ALDOC: variants seen among roughly 807,000 people sequenced by gnomAD.
ALDOC encodes aldolase, fructose-bisphosphate C.
ALDOC carries 23 observed loss-of-function variants against 39.5 expected under a neutral mutation model. That is an observed-to-expected ratio of 0.58 (90% CI 0.42 to 0.82). The LOEUF is 0.82. Among genes scored for constraint, ALDOC ranks in the 40% least tolerant of loss-of-function variants. ALDOC has a pLI of 0.00. For missense variants in ALDOC, 356 were observed against 479.1 expected (o/e 0.74, Z 2.40); for synonymous variants, 160 against 182.6 (o/e 0.88, Z 1.00).
chr17:28,575,459 G>A lies in ALDOC; in HGVS notation c.74C>T (p.Ala25Val). 1 of 1,614,206 alleles carries A rather than the reference G, an allele frequency of 6.2e-7. No homozygotes were observed. The highest frequency in any genetic ancestry group is 1.1e-5 in the South Asian group (1 of 91,090). The change falls in exon 2 of 9, where the codon GCC becomes GTC. Residue 25 changes from alanine (A) to valine (V), a missense_variant. Physicochemically the swap from Ala to Val is moderately conservative, Grantham distance 64. Transcript: ENST00000226253. This position sits in a 1 kb window ranked among gnomAD's most constrained non-coding sequence, Gnocchi z 4.3. The part of the protein sequence containing the change: ...ELSDIALRIV[A>V]PGKGILAADE... The stretch of plus-strand genomic sequence containing the variant: ...CGCAGCCAGAATGCCTTTGCCCGGG[G>A]CTACAATCCGCAGGGCAATGTCAGA...
Position 28,575,382 on chromosome 17 carries a change from A to T in ALDOC, c.112+39T>A. 1 of 1,614,190 alleles carries T rather than the reference A, an allele frequency of 6.2e-7. No homozygotes were observed. The highest frequency in any genetic ancestry group is 8.5e-7 in the Non-Finnish European group (1 of 1,180,006). On this transcript the variant is annotated intron_variant, in intron 2 of 8. Coordinates refer to ENST00000226253, the MANE Select transcript of ALDOC (RefSeq NM_005165.3). The surrounding 1 kb of genome is among the most constrained non-coding windows in gnomAD (Gnocchi z 4.3). ...AGTGAGAACATCCCCAGGGTCCCCT[A>T]GCCACCTGTACCCTACCTGGCTACA...
rs1044493464 is a variant in ALDOC, at chr17:28,574,356, G to A, written c.625-115C>T. On this transcript the variant is annotated intron_variant, in intron 6 of 8. Coordinates refer to ENST00000226253, the MANE Select transcript of ALDOC (RefSeq NM_005165.3). The stretch of plus-strand genomic sequence containing the variant: ...ACTGTGAGGGCTCAGTACAGGCTCA[G>A]ATCACAGGCCTGTGCCGGGATGAAG... The A allele has an allele frequency of 1.4e-5, 20 of 1,425,434 alleles. 1 individual carries two copies. Among genetic ancestry groups the A allele is most frequent in the Admixed American group, 3.4e-5 (2 of 58,436 alleles). 88.3% of individuals were successfully genotyped at this position (1,425,434 alleles called of 1,614,324 possible).
At position 28,575,681 on chromosome 17, in the gene ALDOC, G is replaced by A. The variant is rs1308430870; in HGVS notation, c.-12-137C>T. 3 of 1,075,932 alleles carry A rather than the reference G, an allele frequency of 2.8e-6. No individual in the cohort carries two copies. Among genetic ancestry groups the A allele is most frequent in the African/African-American group, 1.6e-5 (1 of 62,704 alleles). The allele number at this position is 1,075,932 out of a possible 1,614,324, so 66.6% of individuals were successfully genotyped here. On this transcript the variant is annotated intron_variant, in intron 1 of 8. Coordinates refer to ENST00000226253, the MANE Select transcript of ALDOC (RefSeq NM_005165.3). This position sits in a 1 kb window ranked among gnomAD's most constrained non-coding sequence, Gnocchi z 4.3. ...CCTTGGCATGAGTCCTGGGCATCAA[G>A]TGGCACCAGTCCTTCTGACAGCTAG... is the stretch of plus-strand genomic sequence containing the variant.
chr17:28,575,529 G>A lies in ALDOC; in HGVS notation c.4C>T (p.Pro2Ser). MPHSYPALSAEQ... is the reference protein window; with the variant it reads MSHSYPALSAEQ... Reference sequence around the variant, plus strand: ...GCAGAAAGGGCTGGGTACGAGTGAGGCATGGTGACAGCTCCCTGGAGTGGA... The same window carrying A: ...GCAGAAAGGGCTGGGTACGAGTGAGACATGGTGACAGCTCCCTGGAGTGGA... The change falls in exon 2 of 9, where the codon CCT becomes TCT. Residue 2 changes from proline (P) to serine (S), a missense_variant. Pro to Ser is a moderately conservative substitution (Grantham distance 74, BLOSUM62 -1). Transcript: ENST00000226253. The surrounding 1 kb of genome is among the most constrained non-coding windows in gnomAD (Gnocchi z 4.3). 3 of 1,614,072 alleles carry A rather than the reference G, an allele frequency of 1.9e-6. No individual in the cohort carries two copies. The highest frequency in any genetic ancestry group is 1.1e-5 in the South Asian group (1 of 91,080).
chr17:28,575,776 G>T lies in ALDOC; in HGVS notation c.-12-232C>A. 1.6e-6 allele frequency: 1 copy of T among 643,606 alleles called. No homozygotes were observed. The highest frequency in any genetic ancestry group is 2.5e-6 in the Non-Finnish European group (1 of 400,720). The allele number at this position is 643,606 out of a possible 1,614,324, so 39.9% of individuals were successfully genotyped here. The stretch of plus-strand genomic sequence containing the variant: ...GGCATCCTTCCCAGCCCTGGGGAAA[G>T]ATGCAGGGTGGGGGTGGGGAGGTGA... On this transcript the variant is annotated intron_variant, in intron 1 of 8. Transcript: ENST00000226253. This position sits in a 1 kb window ranked among gnomAD's most constrained non-coding sequence, Gnocchi z 4.3.
Position 28,575,938 on chromosome 17 carries a change from C to A in ALDOC, c.-12-394G>T. On this transcript the variant is annotated intron_variant, in intron 1 of 8. Coordinates refer to ENST00000226253, the MANE Select transcript of ALDOC (RefSeq NM_005165.3). This position sits in a 1 kb window ranked among gnomAD's most constrained non-coding sequence, Gnocchi z 4.3. ...CCAGCTTCCCTTTTCTCATCCTCCACAGGACCCCTAGGGAAAGTGTACTTA... is the reference window on the plus strand; with the variant it reads ...CCAGCTTCCCTTTTCTCATCCTCCAAAGGACCCCTAGGGAAAGTGTACTTA... 9.6e-7 allele frequency: 1 copy of A among 1,044,882 alleles called. No individual in the cohort carries two copies. The highest frequency in any genetic ancestry group is 1.2e-6 in the Non-Finnish European group (1 of 862,968). 64.7% of individuals were successfully genotyped at this position (1,044,882 alleles called of 1,614,324 possible). A position where few individuals can be genotyped will look rare whatever the true frequency, so the allele number is the denominator to read the frequency against.
chr17:28,576,130 TA>T (rs2070487064), intron 1 of ALDOC: 2 of 394,158 alleles, frequency 5.1e-6, no homozygotes, highest in African/African-American at 4.4e-5. Context: ...TGCCTATGCC[TA>T]TTGCCTATTC....
intron 1 of ALDOC, chr17:28,576,107 C>T: frequency 1.6e-6 from 1 of 632,874 alleles, no homozygotes; most frequent in Non-Finnish European, 2.0e-6. Context: ...CTTTTCTGTA[C>T]TCCAAACCTG....
At chr17:28,576,076 C>A in intron 1 of ALDOC, 2 of 854,464 alleles carry the variant, frequency 2.3e-6, no homozygotes, top group Non-Finnish European at 2.8e-6. Context: ...AAATACCAGT[C>A]ACAGGCTCCT....
rs1431605950 is a variant in ALDOC, at chr17:28,575,331, C to A, written c.116G>T (p.Ser39Ile). The A allele has an allele frequency of 3.7e-6, 6 of 1,614,232 alleles. No individual in the cohort carries two copies. Among genetic ancestry groups the A allele is most frequent in the Non-Finnish European group, 5.1e-6 (6 of 1,180,038 alleles). Residue 39 changes from serine to isoleucine, a missense_variant, in exon 3 of 9, where the codon AGC becomes ATC. Transcript: ENST00000226253. This position sits in a 1 kb window ranked among gnomAD's most constrained non-coding sequence, Gnocchi z 4.3. ...GILAADESVG[S>I]MAKRLSQIGV... is the part of the protein sequence containing the mutation. Reference sequence around the variant, plus strand: ...AATTTGGCTCAGCCGCTTGGCCATGCTGCCTAGGGGCAAACAAAGAGAGGC... The same window carrying A: ...AATTTGGCTCAGCCGCTTGGCCATGATGCCTAGGGGCAAACAAAGAGAGGC...
In ALDOC at chr17:28,573,503, G is replaced by A. The variant is rs2151516097; in HGVS notation, c.*23C>T. On this transcript the variant is annotated 3_prime_UTR_variant, in exon 9 of 9. Transcript: ENST00000226253. This position sits in a 1 kb window ranked among gnomAD's most constrained non-coding sequence, Gnocchi z 4.3. ...AAGTGGGTGCAGATGGCTGGGCCAA[G>A]GGCTGTGGTATGGAGTGGATACTCA... The A allele has an allele frequency of 1.2e-6, 2 of 1,611,410 alleles. No individual in the cohort carries two copies. Among genetic ancestry groups the A allele is most frequent in the Non-Finnish European group, 1.7e-6 (2 of 1,177,582 alleles).
chr17:28,575,267 G>A lies in ALDOC; in HGVS notation c.180C>T (p.Arg60=), dbSNP rs2070474136. 6.2e-7 allele frequency: 1 copy of A among 1,614,188 alleles called. No individual in the cohort carries two copies. Among genetic ancestry groups the A allele is most frequent in the African/African-American group, 1.3e-5 (1 of 75,038 alleles). ...GGTCATCAGCACTGAACAGGACCTG[G>A]CGGTACAGCCGGCGGTTCTCCTCTG... is the stretch of plus-strand genomic sequence containing the variant. ...ENTEENRRLY[R]QVLFSADDRV... Residue 60 remains arginine (R), a synonymous_variant, in exon 3 of 9, where the codon CGC becomes CGT. Transcript: ENST00000226253. This position sits in a 1 kb window ranked among gnomAD's most constrained non-coding sequence, Gnocchi z 4.3.
At position 28,575,638 on chromosome 17, in the gene ALDOC, TG is replaced by T; in HGVS notation, c.-12-95del. 6.8e-7 allele frequency: 1 copy of T among 1,463,092 alleles called. No homozygotes were observed. Among genetic ancestry groups the T allele is most frequent in the Non-Finnish European group, 9.1e-7 (1 of 1,094,136 alleles). 90.6% of individuals were successfully genotyped at this position (1,463,092 alleles called of 1,614,324 possible). ...ATGGCCTCCCCATCAAGCAAGGGGC[TG>T]GGAACAGGGCAGCAGTCCTTGGCAT... On this transcript the variant is annotated intron_variant, in intron 1 of 8. Coordinates refer to ENST00000226253, the MANE Select transcript of ALDOC (RefSeq NM_005165.3). The surrounding 1 kb of genome is among the most constrained non-coding windows in gnomAD (Gnocchi z 4.3).
Position 28,573,376 on chromosome 17 carries a change from A to G in ALDOC, c.*150T>C. The G allele has an allele frequency of 1.4e-6, 1 of 720,776 alleles. No individual in the cohort carries two copies. The highest frequency in any genetic ancestry group is 1.6e-5 in the South Asian group (1 of 62,128). The allele number at this position is 720,776 out of a possible 1,614,324, so 44.6% of individuals were successfully genotyped here. A position where few individuals can be genotyped will look rare whatever the true frequency, so the allele number is the denominator to read the frequency against. ...CCATCCTATGGTCCCAGGTGCAGCA[A>G]TGAGAGAGGGGAAGGGAAGAGAGAA... On this transcript the variant is annotated 3_prime_UTR_variant, in exon 9 of 9. Transcript: ENST00000226253. This position sits in a 1 kb window ranked among gnomAD's most constrained non-coding sequence, Gnocchi z 4.3.
In ALDOC at chr17:28,574,479, C is replaced by CA. The variant is rs1343950795; in HGVS notation, c.624+14dup. The CA allele has an allele frequency of 1.2e-6, 2 of 1,612,582 alleles. No homozygotes were observed. Among genetic ancestry groups the CA allele is most frequent in the Non-Finnish European group, 1.7e-6 (2 of 1,178,708 alleles). ...TGTCCCTGCAGTATGTTTGTGTGCC[C>CA]AGGTGTGGACTCACCTTCTCTGTAA... On this transcript the variant is annotated intron_variant, in intron 6 of 8. Transcript: ENST00000226253.
In ALDOC at chr17:28,576,856, C is replaced by T; in HGVS notation, c.-68G>A. 4.1e-6 allele frequency: 4 copies of T among 985,498 alleles called. No individual in the cohort carries two copies. Among genetic ancestry groups the T allele is most frequent in the Non-Finnish European group, 4.8e-6 (4 of 829,966 alleles). The allele number at this position is 985,498 out of a possible 1,614,324, so 61.0% of individuals were successfully genotyped here. On this transcript the variant is annotated 5_prime_UTR_variant, in exon 1 of 9. Transcript: ENST00000226253. Reference sequence around the variant, plus strand: ...CAAGCACAGCTCGGGTTCTGATCCGCAAACAGATGAGGCTGCAGCCCTGGC... The same window carrying T: ...CAAGCACAGCTCGGGTTCTGATCCGTAAACAGATGAGGCTGCAGCCCTGGC...
Position 28,575,446 on chromosome 17 carries a change from G to T in ALDOC, c.87C>A (p.Gly29=). Residue 29 remains glycine, a synonymous_variant, in exon 2 of 9, where the codon GGC becomes GGA. Coordinates refer to ENST00000226253, the MANE Select transcript of ALDOC (RefSeq NM_005165.3). The surrounding 1 kb of genome is among the most constrained non-coding windows in gnomAD (Gnocchi z 4.3). ...CTACAGACTCATCCGCAGCCAGAATGCCTTTGCCCGGGGCTACAATCCGCA... is the reference window on the plus strand; with the variant it reads ...CTACAGACTCATCCGCAGCCAGAATTCCTTTGCCCGGGGCTACAATCCGCA... The part of the protein sequence containing the change: ...IALRIVAPGK[G]ILAADESVGS... 1.2e-6 allele frequency: 2 copies of T among 1,614,228 alleles called. No individual in the cohort carries two copies. The highest frequency in any genetic ancestry group is 1.7e-6 in the Non-Finnish European group (2 of 1,180,042).
rs753648020 is a variant in ALDOC at position 28,574,682 on chromosome 17, C to G, written c.540+14G>C. The G allele has an allele frequency of 1.9e-6, 3 of 1,614,110 alleles. No homozygotes were observed. The highest frequency in any genetic ancestry group is 2.5e-6 in the Non-Finnish European group (3 of 1,180,012). ...TACAGGGCACCTAGCTCACCACCCT[C>G]CCAACACACACACCTGCTGGCAGAT... is the stretch of plus-strand genomic sequence containing the variant. On this transcript the variant is annotated intron_variant, in intron 5 of 8. Coordinates refer to ENST00000226253, the MANE Select transcript of ALDOC (RefSeq NM_005165.3).
chr17:28,574,588 G>C lies in ALDOC; in HGVS notation c.541-11C>G. The C allele has an allele frequency of 6.2e-7, 1 of 1,614,092 alleles. No individual in the cohort carries two copies. Among genetic ancestry groups the C allele is most frequent in the South Asian group, 1.1e-5 (1 of 91,066 alleles). ...AGGCACAATGCCATTCTGCAGGCAA[G>C]AGCAGAGATGCTTGGGAGGGGCAGT... On this transcript the variant is annotated splice_polypyrimidine_tract_variant and intron_variant, in intron 5 of 8. Coordinates refer to ENST00000226253, the MANE Select transcript of ALDOC (RefSeq NM_005165.3).
Sources: gnomAD v4.1 joint callset for allele counts on GRCh38, gnomAD v4.1.1 for gene constraint, Gnocchi (gnomAD v3.1) non-coding constraint, MANE v1.5 for transcripts, NCBI Gene and HGNC (gene_info 2026-07-23, HGNC 2026-07-21) for gene names.